Variants in PCDH15 observed in about 807,000 individuals in gnomAD.
The protein encoded by PCDH15 is protocadherin related 15.
A neutral mutation model predicts 178.5 loss-of-function variants in PCDH15; 129 were observed. The ratio of observed to expected loss-of-function variants is 0.72; its 90% CI spans 0.63 to 0.84. The LOEUF (loss-of-function observed/expected upper bound fraction) is 0.84. Ranked by LOEUF, PCDH15 falls within the 40% of genes least tolerant of loss-of-function variation. The pLI, the probability that PCDH15 is intolerant of heterozygous loss-of-function variation, is 0.00. For missense variants in PCDH15, 2,230 were observed against 2,099.9 expected (o/e 1.06, Z -1.21); for synonymous variants, 800 against 732.0 (o/e 1.09, Z -1.50).
At chr10:55,003,621 A>G (rs775773595) in intron 2 of PCDH15, among the ~76,000 whole-genome samples, 1 of 152,234 alleles carries the variant, frequency 6.6e-6, no homozygotes, top group Admixed American at 6.5e-5. Context: ...GGTTGTTTGC[A>G]TAAGTTCAAT....
intron 1 of PCDH15, among the ~76,000 whole-genome samples, chr10:55,199,861 G>A (rs1840195211): frequency 6.6e-6 from 1 of 152,132 alleles, no homozygotes; most frequent in Admixed American, 6.5e-5. Flanking sequence ...CTTCCACATG[G>A]TGTTGGGCCT....
intron 3 of PCDH15, among the ~76,000 whole-genome samples, chr10:54,454,071 T>G (rs187648487): frequency 6.6e-6 from 1 of 150,964 alleles, no homozygotes; most frequent in Non-Finnish European, 1.5e-5. Flanking sequence ...AACAGATTTA[T>G]AGATTTATAA....
intron 15 of PCDH15, among the ~76,000 whole-genome samples, chr10:54,115,773 A>T (rs530296158): frequency 1.3e-5 from 2 of 152,332 alleles, no homozygotes; most frequent in African/African-American, 4.8e-5. Flanking sequence ...CTGTAATTGA[A>T]TCTTAATTTC....
At chr10:54,974,963 T>C (rs1839032250) in intron 2 of PCDH15, among the ~76,000 whole-genome samples, 1 of 152,116 alleles carries the variant, frequency 6.6e-6, no homozygotes, top group Admixed American at 6.6e-5. Flanking sequence ...GTCATAAATA[T>C]AGCAAAGTAA....
chr10:55,368,920 C>T (rs1483919919), intron 2 of PCDH15, among the ~76,000 whole-genome samples: 1 of 132,562 alleles, frequency 7.5e-6, no homozygotes, highest in African/African-American at 2.8e-5. Flanking sequence ...TTTTTTTATT[C>T]TTTTGGTGGT....
intron 3 of PCDH15, among the ~76,000 whole-genome samples, chr10:54,389,804 T>C (rs1268958662): frequency 6.8e-6 from 1 of 146,338 alleles, no homozygotes; most frequent in African/African-American, 2.6e-5. Flanking sequence ...AAAAAAAAAT[T>C]AACCAGGCAT....
intron 26 of PCDH15, among the ~76,000 whole-genome samples, chr10:53,894,027 C>T (rs2133530701): frequency 6.6e-6 from 1 of 151,020 alleles, no homozygotes; most frequent in East Asian, 2.0e-4. Context: ...TTTGTTGTAC[C>T]CAAAAATTAT....
intron 2 of PCDH15, among the ~76,000 whole-genome samples, chr10:55,595,775 A>G (rs1392229705): frequency 6.6e-6 from 1 of 152,098 alleles, no homozygotes; most frequent in Non-Finnish European, 1.5e-5. Context: ...AGAGTATGCT[A>G]GTGCTCAGCC....
intron 2 of PCDH15, among the ~76,000 whole-genome samples, chr10:55,429,405 G>A (rs889909722): frequency 6.6e-6 from 1 of 151,986 alleles, no homozygotes. Flanking sequence ...AAAGCCATTG[G>A]TCTGCTTTTT....
chr10:54,307,053 T>C (rs1233199302), intron 8 of PCDH15, among the ~76,000 whole-genome samples: 1 of 8,764 alleles, frequency 1.1e-4, no homozygotes, highest in Non-Finnish European at 2.1e-4. Flanking sequence ...TATATATATA[T>C]ATATATATAT....
At chr10:54,907,415 C>T (rs1035585668) in intron 2 of PCDH15, among the ~76,000 whole-genome samples, 8 of 152,290 alleles carry the variant, frequency 5.3e-5, no homozygotes, top group Admixed American at 4.6e-4. Flanking sequence ...GCAAGCACTA[C>T]AGCATTTTTA....
intron 8 of PCDH15, among the ~76,000 whole-genome samples, chr10:54,301,992 A>G (rs1301531352): frequency 6.6e-6 from 1 of 152,088 alleles, no homozygotes; most frequent in Non-Finnish European, 1.5e-5. Flanking sequence ...CTGTTTTTTT[A>G]GTGTTTAAAT....
chr10:54,225,690 T>C (rs748366417), intron 9 of PCDH15, among the ~76,000 whole-genome samples: 49 of 152,236 alleles, frequency 3.2e-4, no homozygotes, highest in Non-Finnish European at 5.9e-4. Context: ...ATAAAAGGTA[T>C]AAATTTATTT....
intron 2 of PCDH15, among the ~76,000 whole-genome samples, chr10:54,556,919 T>A (rs1343712101): frequency 6.6e-6 from 1 of 152,028 alleles, no homozygotes; most frequent in Admixed American, 6.6e-5. Context: ...GGCTGTGTGA[T>A]TTAAAATTAA....
chr10:54,064,790 G>A (rs2094105717), intron 18 of PCDH15, among the ~76,000 whole-genome samples: 1 of 152,162 alleles, frequency 6.6e-6, no homozygotes, highest in African/African-American at 2.4e-5. Context: ...CAGGCAGGGG[G>A]AACAGGCACT....
chr10:54,622,823 C>T (rs2093430283), intron 2 of PCDH15, among the ~76,000 whole-genome samples: 1 of 95,440 alleles, frequency 1.0e-5, no homozygotes, highest in Admixed American at 1.2e-4. Context: ...TTCCTGTACA[C>T]TATCTCTCGT....
chr10:55,477,075 C>T (rs1840076839), intron 2 of PCDH15, among the ~76,000 whole-genome samples: 2 of 151,850 alleles, frequency 1.3e-5, no homozygotes, highest in South Asian at 4.1e-4. Flanking sequence ...TTTGTGTGTA[C>T]TAGTATATTA....
At chr10:54,889,910 G>T in intron 3 of PCDH15, among the ~76,000 whole-genome samples, 1 of 151,806 alleles carries the variant, frequency 6.6e-6, no homozygotes, top group Non-Finnish European at 1.5e-5. Context: ...AGCACCCATA[G>T]TATCTTGAAA....
chr10:55,167,323 C>T (rs913489558), intron 1 of PCDH15, among the ~76,000 whole-genome samples: 14 of 151,958 alleles, frequency 9.2e-5, no homozygotes, highest in Admixed American at 2.6e-4. Flanking sequence ...GCCATGTTGC[C>T]CAGGCTTGTC....
Sources: allele counts gnomAD v4.1 joint callset (sites outside exome capture counted in the v4.1 genomes callset), GRCh38; gene constraint gnomAD v4.1.1; transcripts MANE v1.5; gene names NCBI Gene and HGNC (gene_info 2026-07-23, HGNC 2026-07-21).